The following OR1J2 variants were observed in gnomAD, a reference collection of about 807,000 sequenced individuals.
The protein encoded by OR1J2 is olfactory receptor family 1 subfamily J member 2.
For missense variants in OR1J2, 304 were observed against 246.1 expected, an observed-to-expected ratio of 1.24 and a Z score of -1.57; for synonymous variants, 142 against 99.7, an observed-to-expected ratio of 1.42 and a Z score of -2.52.
chr9:122,459,353 T>C, the OR1J2 span, among the ~76,000 whole-genome samples: 2 of 152,200 alleles, frequency 1.3e-5, no homozygotes, highest in Non-Finnish European at 2.9e-5. Flanking sequence ...TTTTTAGTTT[T>C]TTGAGGAATT....
chr9:122,501,040 G>C, the OR1J2 span, among the ~76,000 whole-genome samples: 1 of 152,036 alleles, frequency 6.6e-6, no homozygotes, highest in East Asian at 1.9e-4. Flanking sequence ...TATATAGGCA[G>C]GTTTACAGTT....
the OR1J2 span, among the ~76,000 whole-genome samples, chr9:122,486,489 G>T: frequency 2.6e-5 from 4 of 152,170 alleles, no homozygotes; most frequent in Non-Finnish European, 5.9e-5. Context: ...GAAGTAAATT[G>T]GAGAGTTTAA....
chr9:122,535,621 A>G, the OR1J2 span, among the ~76,000 whole-genome samples: 4 of 152,096 alleles, frequency 2.6e-5, no homozygotes, highest in East Asian at 7.8e-4. Context: ...AATTGGTGAG[A>G]TGTTTCTTGG....
the OR1J2 span, among the ~76,000 whole-genome samples, chr9:122,535,873 G>A: frequency 5.9e-5 from 9 of 152,212 alleles, no homozygotes; most frequent in Middle Eastern, 0.01. Flanking sequence ...GGGTGGGGCC[G>A]TTTTTATAAG....
At chr9:122,482,907 T>C in the OR1J2 span, among the ~76,000 whole-genome samples, 1 of 152,120 alleles carries the variant, frequency 6.6e-6, no homozygotes, top group Non-Finnish European at 1.5e-5. Flanking sequence ...GCTACAAAGT[T>C]ACAGTTAGAT....
the OR1J2 span, among the ~76,000 whole-genome samples, chr9:122,525,558 G>T: frequency 6.6e-6 from 1 of 152,112 alleles, no homozygotes; most frequent in Non-Finnish European, 1.5e-5. Context: ...AATTTAAGCT[G>T]CTGGTGCCCC....
the OR1J2 span, among the ~76,000 whole-genome samples, chr9:122,573,487 C>A: frequency 3.9e-5 from 6 of 152,152 alleles, no homozygotes; most frequent in African/African-American, 1.4e-4. Context: ...TTGAATTTCC[C>A]AGATGACATG....
the OR1J2 span, among the ~76,000 whole-genome samples, chr9:122,531,338 C>A: frequency 3.3e-5 from 5 of 152,128 alleles, no homozygotes; most frequent in South Asian, 6.2e-4. Flanking sequence ...CAGGAGATAT[C>A]AGCTGTGATG....
the OR1J2 span, chr9:122,519,932 CA>C: frequency 6.2e-7 from 1 of 1,614,166 alleles, no homozygotes; most frequent in Non-Finnish European, 8.5e-7. Flanking sequence ...TCCCCTCATC[CA>C]GTGCCTCCAG....
the OR1J2 span, among the ~76,000 whole-genome samples, chr9:122,458,782 T>C: frequency 6.6e-6 from 1 of 152,134 alleles, no homozygotes; most frequent in African/African-American, 2.4e-5. Flanking sequence ...GTTGCTTTTG[T>C]CAGTTTTTGG....
the OR1J2 span, among the ~76,000 whole-genome samples, chr9:122,538,942 C>T: frequency 2.9e-4 from 44 of 152,076 alleles, 1 homozygote; most frequent in African/African-American, 8.9e-4. Context: ...TTTGGATGAC[C>T]AGTTCACTAG....
the OR1J2 span, among the ~76,000 whole-genome samples, chr9:122,562,214 A>C: frequency 6.6e-6 from 1 of 152,202 alleles, no homozygotes; most frequent in Non-Finnish European, 1.5e-5. Context: ...GGAGCTATAG[A>C]GATGGCTGCC....
the OR1J2 span, among the ~76,000 whole-genome samples, chr9:122,524,414 G>T: frequency 6.6e-6 from 1 of 152,202 alleles, no homozygotes; most frequent in African/African-American, 2.4e-5. Flanking sequence ...TTGGAACTTT[G>T]AATACATTGA....
the OR1J2 span, among the ~76,000 whole-genome samples, chr9:122,480,098 CT>C: frequency 0.025 from 3,727 of 151,954 alleles, 134 homozygotes; most frequent in African/African-American, 0.084. Context: ...TCAAAGTACT[CT>C]TTTTTTTAAT....
At chr9:122,549,106 C>T in the OR1J2 span, among the ~76,000 whole-genome samples, 10 of 152,018 alleles carry the variant, frequency 6.6e-5, no homozygotes, top group Non-Finnish European at 1.5e-4. Context: ...AGTGAGATCC[C>T]CAATGTTGGA....
chr9:122,551,745 C>T, the OR1J2 span, among the ~76,000 whole-genome samples: 45,691 of 151,854 alleles, frequency 0.3, 7,398 homozygotes, highest in East Asian at 0.54. Context: ...ACAATGACAC[C>T]GAGGTCGACC....
chr9:122,477,933 A>G, the OR1J2 span: 1 of 1,577,356 alleles, frequency 6.3e-7, no homozygotes, highest in Non-Finnish European at 8.6e-7. Context: ...TCATGTTTAT[A>G]TCAGCTGGAG....
the OR1J2 span, among the ~76,000 whole-genome samples, chr9:122,530,101 G>A: frequency 6.6e-6 from 1 of 152,210 alleles, no homozygotes; most frequent in Non-Finnish European, 1.5e-5. Context: ...TTAAGGGAGG[G>A]ATGGAGAGAC....
the OR1J2 span, among the ~76,000 whole-genome samples, chr9:122,463,015 A>G: frequency 6.6e-6 from 1 of 152,112 alleles, no homozygotes; most frequent in Non-Finnish European, 1.5e-5. Flanking sequence ...TCTCAAATAT[A>G]TTTTCCAAAC....
Sources: allele counts gnomAD v4.1 joint callset (sites outside exome capture counted in the v4.1 genomes callset), GRCh38; gene constraint gnomAD v4.1.1; transcripts MANE v1.5; gene names NCBI Gene and HGNC (gene_info 2026-07-23, HGNC 2026-07-21).